Variants in BTD observed in about 807,000 individuals in gnomAD.
BTD encodes biocytinase.
In BTD, 13 loss-of-function variants were observed where a neutral mutation model predicts 17.7. The observed-to-expected ratio is 0.74, with a 90% CI of 0.48 to 1.17. BTD has a LOEUF of 1.17. Ranked by LOEUF, BTD falls within the 50% of genes most tolerant of loss-of-function variation. The pLI is 0.00. For missense variants in BTD, 674 were observed against 650.4 expected, an observed-to-expected ratio of 1.04 and a Z score of -0.39; for synonymous variants, 240 against 245.2, an observed-to-expected ratio of 0.98 and a Z score of 0.20.
At chr3:15,721,138 G>T (rs1192956629) in intron 4 of BTD, 4 of 1,591,290 alleles carry the variant, frequency 2.5e-6, no homozygotes, top group South Asian at 1.1e-5. Flanking sequence ...CTATTAGAAG[G>T]GAAAAAAATG....
intron 3 of BTD, among the ~76,000 whole-genome samples, chr3:15,689,244 A>T (rs947614755): frequency 1.2e-4 from 19 of 152,218 alleles, no homozygotes; most frequent in African/African-American, 4.6e-4. Flanking sequence ...TCCAGAGATA[A>T]GTCCAGGCTG....
At chr3:15,708,175 G>A (rs2071723223) in intron 3 of BTD, 1 of 1,228,582 alleles carries the variant, frequency 8.1e-7, no homozygotes, top group African/African-American at 1.5e-5. Flanking sequence ...TTTACAGTGA[G>A]ACTTAGACTA....
At chr3:15,692,077 C>T (rs1190619343) in intron 3 of BTD, among the ~76,000 whole-genome samples, 2 of 149,182 alleles carry the variant, frequency 1.3e-5, no homozygotes, top group Non-Finnish European at 3.0e-5. Context: ...GAGGTACAGG[C>T]TGCAGTGAGC....
chr3:15,624,237 G>A (rs897307417), intron 1 of BTD, among the ~76,000 whole-genome samples: 3 of 152,044 alleles, frequency 2.0e-5, no homozygotes, highest in Non-Finnish European at 4.4e-5. Context: ...CCTGATTGGT[G>A]TTCTCTGAGC....
chr3:15,641,434 G>A (rs2065504428), intron 2 of BTD, among the ~76,000 whole-genome samples: 2 of 152,204 alleles, frequency 1.3e-5, no homozygotes, highest in East Asian at 3.8e-4. Flanking sequence ...CCCGGCATCA[G>A]TGGTTTTTCA....
chr3:15,719,628 G>A (rs1178911753), intron 4 of BTD, among the ~76,000 whole-genome samples: 2 of 152,114 alleles, frequency 1.3e-5, no homozygotes, highest in African/African-American at 2.4e-5. Flanking sequence ...GAGTACAGTG[G>A]TGCGATCATA....
intron 3 of BTD, chr3:15,670,698 C>T (rs1042597357): frequency 2.5e-5 from 22 of 876,682 alleles, no homozygotes; most frequent in Admixed American, 8.8e-5. Flanking sequence ...CAGCATGATT[C>T]GCAAGTTTCT....
intron 3 of BTD, chr3:15,667,357 T>G (rs952010524): frequency 6.6e-6 from 1 of 152,260 alleles, no homozygotes; most frequent in African/African-American, 2.4e-5. Flanking sequence ...GATGAGTGTC[T>G]TGTTAAAGGA....
intron 1 of BTD, among the ~76,000 whole-genome samples, chr3:15,618,970 T>C (rs188553359): frequency 6.6e-6 from 1 of 152,382 alleles, no homozygotes; most frequent in African/African-American, 2.4e-5. Flanking sequence ...TTCATTCCAA[T>C]TTTCTACATC....
intron 3 of BTD, among the ~76,000 whole-genome samples, chr3:15,705,463 C>G (rs928779117): frequency 2.6e-5 from 4 of 152,038 alleles, no homozygotes; most frequent in Non-Finnish European, 4.4e-5. Context: ...TACCCAATAA[C>G]CAGTCTGTGA....
chr3:15,679,330 G>C, intron 3 of BTD: 1 of 1,613,928 alleles, frequency 6.2e-7, no homozygotes, highest in Non-Finnish European at 8.5e-7. Context: ...CGTTCACAAT[G>C]CTGGCACCTA....
rs1354877183 is a variant in BTD at position 15,650,775 on chromosome 3, C to A, written c.*5287C>A. The stretch of plus-strand genomic sequence containing the variant: ...TGATCGGCCAGAGAGCTGTGATATT[C>A]TTTTGTTTTTTTGAGATGGAGTCTT... On this transcript the variant is annotated 3_prime_UTR_variant, in exon 4 of 4. Transcript: ENST00000643237. Among the ~76,000 whole-genome samples the A allele has an allele frequency of 6.6e-6, 1 of 152,076 alleles. No homozygotes were observed. The highest frequency in any genetic ancestry group is 1.9e-4 in the East Asian group (1 of 5,176).
downstream of BTD, among the ~76,000 whole-genome samples, chr3:15,715,094 G>C (rs1295440490): frequency 7.9e-5 from 12 of 152,096 alleles, no homozygotes. Flanking sequence ...ATAGTTACGT[G>C]TACTAAATAT....
chr3:15,660,745 C>T (rs2065913422), intron 3 of BTD, among the ~76,000 whole-genome samples: 2 of 152,200 alleles, frequency 1.3e-5, no homozygotes, highest in Non-Finnish European at 2.9e-5. Flanking sequence ...TAACTTTGCT[C>T]TTCTAAAAAT....
intron 3 of BTD, chr3:15,686,416 GAATTT>G: frequency 3.5e-6 from 3 of 848,568 alleles, no homozygotes; most frequent in South Asian, 3.3e-5. Flanking sequence ...TAGTTGCACT[GAATTT>G]AATATGCAAG....
At chr3:15,713,478 C>T (rs79599089), downstream of BTD, 11,051 of 1,432,072 alleles carry the variant, frequency 7.7e-3, 637 homozygotes, top group African/African-American at 0.13. Context: ...CAGTTCACTT[C>T]CCTTTGTGCT....
Position 15,645,274 on chromosome 3 carries a change from A to G in BTD, c.1358A>G (p.Gln453Arg), listed in dbSNP as rs1309408345. The G allele has an allele frequency of 1.2e-6, 2 of 1,614,206 alleles. No homozygotes were observed. The highest frequency in any genetic ancestry group is 4.5e-5 in the East Asian group (2 of 44,892). The change falls in exon 4 of 4, where the codon CAG becomes CGG. Residue 453 changes from glutamine (Q) to arginine (R), a missense_variant. Gln to Arg is a conservative substitution (Grantham distance 43, BLOSUM62 1). Transcript: ENST00000643237. ...CGGLGFDTCGQEITEATGIFE... is the reference protein window; with the variant it reads ...CGGLGFDTCGREITEATGIFE... ...GGTCTTGGCTTCGACACCTGTGGAC[A>G]GGAAATCACAGAGGCCACGGGGATA...
intron 3 of BTD, among the ~76,000 whole-genome samples, chr3:15,673,386 T>C (rs974463681): frequency 6.6e-6 from 1 of 152,200 alleles, no homozygotes; most frequent in African/African-American, 2.4e-5. Context: ...ATGCAGCAAA[T>C]ATTCACTGAG....
chr3:15,631,756 A>T (rs2065212921), intron 1 of BTD, among the ~76,000 whole-genome samples: 1 of 152,126 alleles, frequency 6.6e-6, no homozygotes, highest in Non-Finnish European at 1.5e-5. Context: ...TGTCTCCCAG[A>T]TGCTTTCTAT....
Sources: allele counts gnomAD v4.1 joint callset (sites outside exome capture counted in the v4.1 genomes callset), GRCh38; gene constraint gnomAD v4.1.1; transcripts MANE v1.5; gene names NCBI Gene and HGNC (gene_info 2026-07-23, HGNC 2026-07-21).